The following MAP2 variants were observed in gnomAD, a reference collection of about 807,000 sequenced individuals.
The protein encoded by MAP2 is microtubule associated protein 2.
In MAP2, 14 loss-of-function variants were observed where a neutral mutation model predicts 137.6. That is an observed-to-expected ratio of 0.10 (90% CI 0.07 to 0.16). MAP2 has a LOEUF of 0.16. Among genes scored for constraint, MAP2 ranks in the 10% least tolerant of loss-of-function variants. The pLI is 1.00. For synonymous variants in MAP2, 786 were observed against 782.3 expected, an observed-to-expected ratio of 1.00 and a Z score of -0.08; for missense variants, 2,088 against 2,191.5, an observed-to-expected ratio of 0.95 and a Z score of 0.94.
chr2:209,507,671 T>C (rs960091490), intron 2 of MAP2, 30 bp downstream of exon 2: 4 of 152,150 alleles, frequency 2.6e-5, no homozygotes, highest in Non-Finnish European at 5.9e-5. Context: ...CAATCATGAA[T>C]AAACTGTGAA....
intron 3 of MAP2, among the ~76,000 whole-genome samples, chr2:209,593,560 A>C (rs1208426293): frequency 8.0e-6 from 1 of 125,660 alleles, no homozygotes; most frequent in African/African-American, 3.0e-5. Flanking sequence ...AGGCAGTAGG[A>C]TCATTTGAAG....
chr2:209,590,245 TC>T (rs1214005537), intron 3 of MAP2, among the ~76,000 whole-genome samples: 1 of 151,490 alleles, frequency 6.6e-6, no homozygotes, highest in Non-Finnish European at 1.5e-5. Context: ...ATTATTTTTT[TC>T]CCCCTTTAGT....
At chr2:209,712,986 C>G (rs2066036968) in intron 13 of MAP2, among the ~76,000 whole-genome samples, 1 of 152,056 alleles carries the variant, frequency 6.6e-6, no homozygotes, top group African/African-American at 2.4e-5. Context: ...AGAACAAGAG[C>G]TATACTTTCT....
At chr2:209,482,013 G>A (rs954353937) in intron 1 of MAP2, among the ~76,000 whole-genome samples, 1 of 151,778 alleles carries the variant, frequency 6.6e-6, no homozygotes, top group Non-Finnish European at 1.5e-5. Flanking sequence ...TGATTTTACC[G>A]TGGAACTTCT....
intron 1 of MAP2, among the ~76,000 whole-genome samples, chr2:209,494,637 A>C (rs957822105): frequency 6.6e-6 from 1 of 152,204 alleles, no homozygotes; most frequent in Non-Finnish European, 1.5e-5. Flanking sequence ...AAATAATCAT[A>C]CAAATGGACA....
intron 1 of MAP2, among the ~76,000 whole-genome samples, chr2:209,443,845 C>CAGCT (rs927037089): frequency 2.0e-5 from 3 of 151,566 alleles, no homozygotes; most frequent in Admixed American, 6.6e-5. Flanking sequence ...AGATGATGAA[C>CAGCT]AGCTGCTCAT....
At chr2:209,556,735 G>A (rs288087) in intron 2 of MAP2, among the ~76,000 whole-genome samples, 48,599 of 150,348 alleles carry the variant, frequency 0.32, 13,868 homozygotes, top group African/African-American at 0.77. Context: ...TTAACTAGAG[G>A]TAATCTGACA....
At chr2:209,709,116 A>G (rs573690367) in intron 12 of MAP2, among the ~76,000 whole-genome samples, 1 of 152,292 alleles carries the variant, frequency 6.6e-6, no homozygotes, top group African/African-American at 2.4e-5. Context: ...AGGCAAAGAA[A>G]TGCATCTCAG....
At chr2:209,568,460 G>A (rs1000084891) in intron 2 of MAP2, among the ~76,000 whole-genome samples, 2 of 151,878 alleles carry the variant, frequency 1.3e-5, no homozygotes, top group Non-Finnish European at 2.9e-5. Flanking sequence ...TCATGTTAAG[G>A]TTAAAGATTA....
chr2:209,662,331 A>G (rs1389340834), intron 5 of MAP2, among the ~76,000 whole-genome samples: 1 of 152,208 alleles, frequency 6.6e-6, no homozygotes, highest in Admixed American at 6.5e-5. Context: ...AAATGTCAGA[A>G]CTACATCACA....
chr2:209,706,861 C>T (rs2063590456), intron 12 of MAP2, among the ~76,000 whole-genome samples: 1 of 150,608 alleles, frequency 6.6e-6, no homozygotes, highest in African/African-American at 2.5e-5. Context: ...ATTATAATAA[C>T]AGTAATTGTG....
At chr2:209,436,377 A>G (rs1323172618) in intron 1 of MAP2, among the ~76,000 whole-genome samples, 2 of 151,660 alleles carry the variant, frequency 1.3e-5, no homozygotes, top group African/African-American at 2.4e-5. Context: ...CGTAGTCTCT[A>G]TTACAATTAC....
chr2:209,682,723 C>T (rs1305656219), intron 7 of MAP2, among the ~76,000 whole-genome samples: 1 of 152,016 alleles, frequency 6.6e-6, no homozygotes, highest in Non-Finnish European at 1.5e-5. Flanking sequence ...CAAGGGCGCT[C>T]AGGTGCCCAA....
chr2:209,650,268 G>A (rs774322559), intron 4 of MAP2, among the ~76,000 whole-genome samples: 1 of 152,134 alleles, frequency 6.6e-6, no homozygotes, highest in Non-Finnish European at 1.5e-5. Flanking sequence ...TAATAAATAC[G>A]GTGTTAGAAA....
chr2:209,643,666 G>A (rs1319178839), intron 4 of MAP2, among the ~76,000 whole-genome samples: 1 of 151,742 alleles, frequency 6.6e-6, no homozygotes, highest in Non-Finnish European at 1.5e-5. Flanking sequence ...GCCAGGGACT[G>A]CCCATTGTTT....
intron 1 of MAP2, among the ~76,000 whole-genome samples, chr2:209,451,873 C>G (rs1700398855): frequency 6.6e-6 from 1 of 152,172 alleles, no homozygotes; most frequent in Non-Finnish European, 1.5e-5. Context: ...CTAATCCTCT[C>G]TCTACTCTCA....
intron 1 of MAP2, among the ~76,000 whole-genome samples, chr2:209,484,712 C>T (rs972236572): frequency 6.6e-6 from 1 of 152,056 alleles, no homozygotes; most frequent in Non-Finnish European, 1.5e-5. Context: ...AAACAAAAAA[C>T]ATATCTTTCT....
chr2:209,664,103 G>T (rs1427734890), intron 5 of MAP2, among the ~76,000 whole-genome samples: 1 of 152,138 alleles, frequency 6.6e-6, no homozygotes, highest in African/African-American at 2.4e-5. Context: ...TTTTACTGAG[G>T]TTACTTGTTA....
Position 209,694,156 on chromosome 2 carries a change from T to G in MAP2, c.1986T>G (p.Ile662Met). 1 of 1,614,158 alleles carries G rather than the reference T, an allele frequency of 6.2e-7. No individual in the cohort carries two copies. Among genetic ancestry groups the G allele is most frequent in the Non-Finnish European group, 8.5e-7 (1 of 1,180,004 alleles). The change falls in exon 8 of 16, where the codon ATT becomes ATG. Residue 662 changes from isoleucine to methionine, a missense_variant. Coordinates refer to ENST00000682079, the MANE Select transcript of MAP2 (RefSeq NM_001375505.1). Reference protein sequence around the residue: ...PSSPQERMFTIDPKVYGEKRD... With the variant: ...PSSPQERMFTMDPKVYGEKRD... ...CTCCTCAAGAAAGAATGTTCACTAT[T>G]GATCCAAAAGTGTATGGAGAGAAAA...
Sources: allele counts gnomAD v4.1 joint callset (sites outside exome capture counted in the v4.1 genomes callset), GRCh38; gene constraint gnomAD v4.1.1; transcripts MANE v1.5; gene names NCBI Gene and HGNC (gene_info 2026-07-23, HGNC 2026-07-21).